Variants in CRACDL observed in about 807,000 individuals in gnomAD.
CRACDL encodes CRACD-like protein.
In CRACDL, 26 loss-of-function variants were observed where a neutral mutation model predicts 70.6. That is an observed-to-expected ratio of 0.37 (90% CI 0.27 to 0.51). The LOEUF (loss-of-function observed/expected upper bound fraction) is 0.51. Among genes scored for constraint, CRACDL ranks in the 20% least tolerant of loss-of-function variants. The pLI is 0.94. For synonymous variants in CRACDL, 618 were observed against 615.2 expected, an observed-to-expected ratio of 1.00 and a Z score of -0.07; for missense variants, 1,283 against 1,376.9, an observed-to-expected ratio of 0.93 and a Z score of 1.08.
intron 7 of CRACDL, among the ~76,000 whole-genome samples, chr2:98,799,499 C>T (rs921372162): frequency 6.6e-6 from 1 of 152,102 alleles, no homozygotes; most frequent in East Asian, 1.9e-4. Context: ...CTGACTGGCC[C>T]CCTGGGAATC....
chr2:98,849,412 A>G (rs10188156), intron 1 of CRACDL, among the ~76,000 whole-genome samples: 74,373 of 151,998 alleles, frequency 0.49, 19,356 homozygotes, highest in African/African-American at 0.68. Context: ...GTGTGTGAGA[A>G]TGTGTATGAG....
chr2:98,850,407 C>T (rs752478786), intron 1 of CRACDL, among the ~76,000 whole-genome samples: 1 of 152,184 alleles, frequency 6.6e-6, no homozygotes, highest in Non-Finnish European at 1.5e-5. Flanking sequence ...TTCCCCAAGC[C>T]GCAGTAAAGT....
At chr2:98,854,068 G>A (rs1706593140) in intron 1 of CRACDL, among the ~76,000 whole-genome samples, 1 of 152,066 alleles carries the variant, frequency 6.6e-6, no homozygotes, top group Non-Finnish European at 1.5e-5. Flanking sequence ...TGGATCACGA[G>A]GTCAGGAGTT....
In CRACDL at chr2:98,838,242, T is replaced by C. The variant is rs1317332085; in HGVS notation, c.116A>G (p.Lys39Arg). 6.2e-7 allele frequency: 1 copy of C among 1,612,706 alleles called. No individual in the cohort carries two copies. The change falls in exon 3 of 10, where the codon AAG (lysine) becomes AGG (arginine). Residue 39 changes from lysine to arginine, a missense_variant. Lys to Arg is a conservative substitution (Grantham distance 26). Around this residue, in one of 2 missense-constraint regions of CRACDL, gnomAD observed 362 missense variants for 495.0 expected, o/e 0.73. Transcript: ENST00000397899. Reference sequence around the variant, plus strand: ...CGACGGCGATTCTTTTCTCTTCTTCTTCCCAAAAAACTTCTTAAAAGTTTT... The same window carrying C: ...CGACGGCGATTCTTTTCTCTTCTTCCTCCCAAAAAACTTCTTAAAAGTTTT... ...KFKTFKKFFG[K>R]KKRKESPSST...
intron 1 of CRACDL, among the ~76,000 whole-genome samples, chr2:98,895,901 CG>C (rs1373034084): frequency 1.3e-5 from 2 of 152,054 alleles, no homozygotes; most frequent in Non-Finnish European, 2.9e-5. Context: ...CCAGAGAGCT[CG>C]CTTGCCCCTT....
intron 1 of CRACDL, among the ~76,000 whole-genome samples, chr2:98,869,760 G>T (rs540879030): frequency 5.9e-5 from 9 of 152,316 alleles, no homozygotes; most frequent in Non-Finnish European, 8.8e-5. Flanking sequence ...TCTCTGCGCT[G>T]CACACTTGCT....
Position 98,796,156 on chromosome 2 carries a change from G to A in CRACDL, c.2713C>T (p.Leu905=). Residue 905 remains leucine (L), a synonymous_variant, in exon 9 of 10, where the codon CTG becomes TTG. Transcript: ENST00000397899. ...TGGGACAATGAGATTCCTCTTTGCA[G>A]CCCCTCCTTGAAGTTGAGCTTTGCC... ...QGAKLNFKEG[L]QRGISLSHQN... is the part of the protein sequence containing the mutation. The A allele has an allele frequency of 6.2e-7, 1 of 1,614,146 alleles. No individual in the cohort carries two copies. The highest frequency in any genetic ancestry group is 8.5e-7 in the Non-Finnish European group (1 of 1,179,946).
At chr2:98,824,585 G>T (rs893607174) in intron 6 of CRACDL, among the ~76,000 whole-genome samples, 32 of 152,074 alleles carry the variant, frequency 2.1e-4, no homozygotes, top group Non-Finnish European at 3.4e-4. Flanking sequence ...AAGGTTGATG[G>T]TGTAGAGACT....
intron 1 of CRACDL, among the ~76,000 whole-genome samples, chr2:98,924,672 C>T (rs187362120): frequency 1.3e-5 from 2 of 152,178 alleles, no homozygotes; most frequent in Admixed American, 6.5e-5. Context: ...TAAGGGGCCC[C>T]CCCAGGGCAT....
chr2:98,930,173 C>T (rs1709035963), intron 1 of CRACDL, among the ~76,000 whole-genome samples: 1 of 152,128 alleles, frequency 6.6e-6, no homozygotes, highest in Non-Finnish European at 1.5e-5. Context: ...ACCTCCCATC[C>T]GTGGCCCCCA....
chr2:98,810,383 A>G (rs1044789221), intron 7 of CRACDL, among the ~76,000 whole-genome samples: 9 of 152,200 alleles, frequency 5.9e-5, no homozygotes, highest in Admixed American at 2.6e-4. Context: ...TATTCTAAAT[A>G]TAATGGGAAG....
intron 1 of CRACDL, among the ~76,000 whole-genome samples, chr2:98,929,368 G>A (rs1220362669): frequency 6.6e-6 from 1 of 152,178 alleles, no homozygotes; most frequent in African/African-American, 2.4e-5. Flanking sequence ...TCCCTTACCT[G>A]TCTGGTGCAG....
intron 5 of CRACDL, among the ~76,000 whole-genome samples, chr2:98,830,969 G>A (rs897256611): frequency 2.0e-5 from 3 of 152,174 alleles, no homozygotes; most frequent in African/African-American, 7.2e-5. Flanking sequence ...TCTTCCTACT[G>A]CATAGCTCAG....
At chr2:98,915,043 G>C (rs1708634236) in intron 1 of CRACDL, among the ~76,000 whole-genome samples, 1 of 152,236 alleles carries the variant, frequency 6.6e-6, no homozygotes, top group African/African-American at 2.4e-5. Context: ...ACAGTCACAG[G>C]TCCCTGCCAG....
chr2:98,910,889 G>A (rs1347682971), intron 1 of CRACDL, among the ~76,000 whole-genome samples: 4 of 152,244 alleles, frequency 2.6e-5, no homozygotes, highest in African/African-American at 7.2e-5. Flanking sequence ...TAAATAAGGT[G>A]TTGAGCTCAA....
At chr2:98,826,911 G>GT (rs1158341760) in intron 6 of CRACDL, 64 bp downstream of exon 6, 5 of 1,285,148 alleles carry the variant, frequency 3.9e-6, no homozygotes, top group Non-Finnish European at 5.4e-6. Flanking sequence ...CAGGTTGGGG[G>GT]GGGGCATAGG....
Position 98,832,736 on chromosome 2 carries a change from G to T in CRACDL, c.375+126C>A, listed in dbSNP as rs575911537. The T allele has an allele frequency of 6.1e-5, 77 of 1,256,634 alleles. No homozygotes were observed. In the Middle Eastern group the frequency reaches 1.3e-3, roughly 22 times the overall value. The allele number at this position is 1,256,634 out of a possible 1,614,324, so 77.8% of individuals were successfully genotyped here. The stretch of plus-strand genomic sequence containing the variant: ...CTGCAGCTCATTTGGTGTGTCCTGG[G>T]GGAGCTGTCATGTACATGTGATTCT... On this transcript the variant is annotated intron_variant, in intron 4 of 9. Transcript: ENST00000397899.
At chr2:98,818,588 T>C (rs1704889526) in intron 7 of CRACDL, among the ~76,000 whole-genome samples, 1 of 152,242 alleles carries the variant, frequency 6.6e-6, no homozygotes, top group Non-Finnish European at 1.5e-5. Flanking sequence ...ATATTAGGTC[T>C]TTCTGGAAAC....
At chr2:98,929,878 A>C (rs1414017869) in intron 1 of CRACDL, among the ~76,000 whole-genome samples, 1 of 152,184 alleles carries the variant, frequency 6.6e-6, no homozygotes, top group Non-Finnish European at 1.5e-5. Flanking sequence ...TAAGACACCT[A>C]GTATTCATGA....
Sources: allele counts gnomAD v4.1 joint callset (sites outside exome capture counted in the v4.1 genomes callset), GRCh38; gene constraint gnomAD v4.1.1; regional missense constraint gnomAD v4.1.1; transcripts MANE v1.5; gene names NCBI Gene and HGNC (gene_info 2026-07-23, HGNC 2026-07-21).